The following KDM4C variants were observed in gnomAD, a reference collection of about 807,000 sequenced individuals.
KDM4C encodes lysine demethylase 4C.
KDM4C carries 81 observed loss-of-function variants against 129.3 expected under a neutral mutation model. The observed-to-expected ratio is 0.63, with a 90% CI of 0.52 to 0.75. The LOEUF (loss-of-function observed/expected upper bound fraction) is 0.75, where lower values mean the gene tolerates loss of function less well. Among genes scored for constraint, KDM4C ranks in the 30% least tolerant of loss-of-function variants. The probability of loss-of-function intolerance (pLI) is 0.00; values close to 1 mark genes in which losing one functional copy is unlikely to be tolerated. For missense variants in KDM4C, 1,457 were observed against 1,304.0 expected (o/e 1.12, Z -1.81); for synonymous variants, 573 against 456.1 (o/e 1.26, Z -3.26).
At chr9:6,861,879 C>A (rs932998165) in intron 5 of KDM4C, among the ~76,000 whole-genome samples, 33 of 151,612 alleles carry the variant, frequency 2.2e-4, no homozygotes, top group African/African-American at 8.0e-4. Flanking sequence ...CCAAGCGATT[C>A]TCCTGCCTCA....
At chr9:6,992,102 A>G (rs1315348790) in intron 12 of KDM4C, among the ~76,000 whole-genome samples, 1 of 152,114 alleles carries the variant, frequency 6.6e-6, no homozygotes, top group Non-Finnish European at 1.5e-5. Flanking sequence ...GTGTAAAGTA[A>G]TTAATACTTA....
At chr9:7,143,962 A>G (rs1173390811) in intron 19 of KDM4C, among the ~76,000 whole-genome samples, 1 of 152,234 alleles carries the variant, frequency 6.6e-6, no homozygotes, top group Non-Finnish European at 1.5e-5. Flanking sequence ...TCACAGAGAT[A>G]GAAGCTGTAG....
intron 14 of KDM4C, among the ~76,000 whole-genome samples, chr9:7,015,608 A>G (rs1823517050): frequency 6.6e-6 from 1 of 152,164 alleles, no homozygotes; most frequent in East Asian, 1.9e-4. Flanking sequence ...GTGTGAACAA[A>G]TTAGTAGACT....
intron 1 of KDM4C, among the ~76,000 whole-genome samples, chr9:6,778,092 C>CTT (rs760255723): frequency 1.4e-4 from 18 of 131,824 alleles, no homozygotes; most frequent in Non-Finnish European, 1.8e-4. Flanking sequence ...CTAATTTTTT[C>CTT]TTTTTTTTTT....
chr9:6,794,827 C>G (rs924194681), intron 2 of KDM4C, among the ~76,000 whole-genome samples: 3 of 152,048 alleles, frequency 2.0e-5, no homozygotes, highest in African/African-American at 7.2e-5. Context: ...GTGCTGAGAA[C>G]TCATTGCACA....
chr9:7,019,744 A>ATT (rs1563993223), intron 15 of KDM4C, among the ~76,000 whole-genome samples: 1 of 90,092 alleles, frequency 1.1e-5, no homozygotes, highest in Non-Finnish European at 2.1e-5. Context: ...ATAAAAATAT[A>ATT]ATATTTTTAT....
In KDM4C at chr9:6,856,898, C is replaced by T. The variant is rs1172156467; in HGVS notation, c.629+7198C>T. Among the ~76,000 whole-genome samples, 2 of 151,932 alleles carry T rather than the reference C, an allele frequency of 1.3e-5. 1 individual carries two copies. The highest frequency in any genetic ancestry group is 2.9e-5 in the Non-Finnish European group (2 of 67,950). ...TCAGCCTCCCGAGTAGCTGGGACTA[C>T]AGGCGCCCGCCACCGCGCCCGGCTA... On this transcript the variant is annotated intron_variant, in intron 5 of 21. Transcript: ENST00000381309.
chr9:7,068,538 A>G (rs1832746124), intron 17 of KDM4C, among the ~76,000 whole-genome samples: 1 of 152,102 alleles, frequency 6.6e-6, no homozygotes, highest in Non-Finnish European at 1.5e-5. Flanking sequence ...CATGCTAATT[A>G]TTTCAGAACG....
chr9:6,755,042 C>G (rs542691497), upstream of KDM4C, among the ~76,000 whole-genome samples: 257 of 152,098 alleles, frequency 1.7e-3, no homozygotes, highest in Non-Finnish European at 3.2e-3. Context: ...GTTTGAGACC[C>G]GCCTGGCCAA....
chr9:7,010,901 A>G (rs1254793240), intron 12 of KDM4C, among the ~76,000 whole-genome samples: 1 of 152,016 alleles, frequency 6.6e-6, no homozygotes, highest in Non-Finnish European at 1.5e-5. Flanking sequence ...AAAATTCGCT[A>G]GGCATGGTGG....
At chr9:7,092,468 T>C (rs920084253) in intron 17 of KDM4C, among the ~76,000 whole-genome samples, 3 of 152,244 alleles carry the variant, frequency 2.0e-5, no homozygotes, top group African/African-American at 7.2e-5. Context: ...TGCATTAATC[T>C]GACCAGGGCT....
intron 8 of KDM4C, among the ~76,000 whole-genome samples, chr9:6,900,732 C>T (rs1817258421): frequency 6.6e-6 from 1 of 152,200 alleles, no homozygotes; most frequent in East Asian, 1.9e-4. Flanking sequence ...GTGCAACCGT[C>T]GTTAACTCTG....
intron 12 of KDM4C, among the ~76,000 whole-genome samples, chr9:7,004,958 C>T (rs1358841511): frequency 6.6e-6 from 1 of 152,190 alleles, no homozygotes; most frequent in Non-Finnish European, 1.5e-5. Context: ...TTTGCCAGTT[C>T]TACTGAGTGT....
chr9:6,932,748 C>A (rs55790433), intron 8 of KDM4C, among the ~76,000 whole-genome samples: 1 of 152,024 alleles, frequency 6.6e-6, no homozygotes, highest in African/African-American at 2.4e-5. Context: ...CATTTGACCA[C>A]GTTTAGGGGC....
At chr9:7,125,860 A>G (rs1242498670) in intron 18 of KDM4C, among the ~76,000 whole-genome samples, 1 of 152,176 alleles carries the variant, frequency 6.6e-6, no homozygotes, top group East Asian at 1.9e-4. Context: ...GACATCAAAC[A>G]AATCAGAGTT....
intron 12 of KDM4C, among the ~76,000 whole-genome samples, chr9:7,010,464 G>T (rs115684300): frequency 1.3e-5 from 2 of 152,118 alleles, no homozygotes; most frequent in African/African-American, 4.8e-5. Flanking sequence ...TCTAAAACAG[G>T]TAAGTCAACA....
intron 4 of KDM4C, among the ~76,000 whole-genome samples, chr9:6,822,095 G>A (rs957127712): frequency 6.6e-6 from 1 of 152,190 alleles, no homozygotes; most frequent in African/African-American, 2.4e-5. Flanking sequence ...GGCATGGGGC[G>A]AATCCAGCCT....
intron 4 of KDM4C, among the ~76,000 whole-genome samples, chr9:6,828,210 T>G (rs572896243): frequency 3.4e-4 from 51 of 152,144 alleles, no homozygotes; most frequent in African/African-American, 1.2e-3. Flanking sequence ...TGCAGTGGCG[T>G]GATCTCAGCT....
chr9:6,938,574 G>GT lies in KDM4C; in HGVS notation c.922-42348dup, dbSNP rs1483645429. ...GGCTTTTTAGTCGGTGAAGCCATCT[G>GT]TTTGGTTTTTCAGCCAGCACTCTTT... On this transcript the variant is annotated intron_variant, in intron 8 of 21. Transcript: ENST00000381309. 2.0e-5 allele frequency among the ~76,000 whole-genome samples: 3 copies of GT among 152,190 alleles called. No homozygotes were observed. In the East Asian group the frequency reaches 5.8e-4, roughly 29 times the overall value.
Sources: gnomAD v4.1 joint callset for allele counts (sites outside exome capture counted in the v4.1 genomes callset) on GRCh38, gnomAD v4.1.1 for gene constraint, MANE v1.5 for transcripts, NCBI Gene and HGNC (gene_info 2026-07-23, HGNC 2026-07-21) for gene names.